The following OLA1 variants were observed in gnomAD, a reference collection of about 807,000 sequenced individuals.
OLA1 encodes obg-like ATPase 1.
OLA1 carries 14 observed loss-of-function variants against 48.4 expected under a neutral mutation model. That is an observed-to-expected ratio of 0.29 (90% CI 0.19 to 0.45). The LOEUF is 0.45. Among genes scored for constraint, OLA1 ranks in the 20% least tolerant of loss-of-function variants. The pLI is 1.00. For synonymous variants in OLA1, 127 were observed against 150.4 expected, an observed-to-expected ratio of 0.84 and a Z score of 1.14; for missense variants, 325 against 467.1, an observed-to-expected ratio of 0.70 and a Z score of 2.80.
chr2:174,212,847 C>T (rs1688275057), intron 4 of OLA1, among the ~76,000 whole-genome samples: 2 of 152,218 alleles, frequency 1.3e-5, no homozygotes, highest in East Asian at 3.9e-4. Flanking sequence ...ACCCATGGAG[C>T]TGTCATCTCC....
chr2:174,138,390 A>G (rs1205686060), intron 5 of OLA1, among the ~76,000 whole-genome samples: 2 of 152,200 alleles, frequency 1.3e-5, no homozygotes, highest in African/African-American at 4.8e-5. Context: ...CACACCCAAC[A>G]TTTATCGACT....
At chr2:174,242,477 C>G (rs1050853551) in intron 2 of OLA1, among the ~76,000 whole-genome samples, 1 of 152,118 alleles carries the variant, frequency 6.6e-6, no homozygotes, top group Admixed American at 6.6e-5. Flanking sequence ...CGGTACCAGT[C>G]CCCAGCATGA....
chr2:174,147,639 T>C (rs1686641102), intron 4 of OLA1, among the ~76,000 whole-genome samples: 1 of 152,186 alleles, frequency 6.6e-6, no homozygotes, highest in Non-Finnish European at 1.5e-5. Context: ...ATACACTACA[T>C]GATCACATTT....
At chr2:174,163,893 CTT>C (rs1687093417) in intron 4 of OLA1, among the ~76,000 whole-genome samples, 2 of 151,040 alleles carry the variant, frequency 1.3e-5, no homozygotes, top group Admixed American at 6.6e-5. Context: ...AGAAATGAAA[CTT>C]TTAAAACGTG....
In OLA1 at chr2:174,229,718, A is replaced by G. The variant is rs1688686452; in HGVS notation, c.102-267T>C. Among the ~76,000 whole-genome samples, 4 of 152,224 alleles carry G rather than the reference A, an allele frequency of 2.6e-5. No homozygotes were observed. The South Asian group carries it at 8.3e-4, about 31-fold the overall frequency. Reference sequence around the variant, plus strand: ...AGCATGTTCTCAAAGAATCTTTGTTATAAGTTAGAGTTTCATGTCATACTA... The same window carrying G: ...AGCATGTTCTCAAAGAATCTTTGTTGTAAGTTAGAGTTTCATGTCATACTA... On this transcript the variant is annotated intron_variant, in intron 2 of 10. Coordinates refer to ENST00000284719, the MANE Select transcript of OLA1 (RefSeq NM_013341.5).
chr2:174,143,320 T>C (rs916240469), intron 4 of OLA1, among the ~76,000 whole-genome samples: 1 of 152,186 alleles, frequency 6.6e-6, no homozygotes, highest in African/African-American at 2.4e-5. Flanking sequence ...CAATAGACAG[T>C]GGTTTAGGTA....
At chr2:174,126,113 TTACA>T (rs1686037725) in intron 5 of OLA1, among the ~76,000 whole-genome samples, 2 of 152,244 alleles carry the variant, frequency 1.3e-5, no homozygotes, top group African/African-American at 2.4e-5. Context: ...GCTCTTTTTC[TTACA>T]TAAAGTAAAA....
chr2:174,073,427 C>T lies in OLA1; in HGVS notation c.*1999G>A, dbSNP rs546155742. On this transcript the variant is annotated 3_prime_UTR_variant, in exon 11 of 11. Coordinates refer to ENST00000284719, the MANE Select transcript of OLA1 (RefSeq NM_013341.5). ...AGGAGGGAAAACGTTTAGATATAGGCATATATATGATTATATGTAACAGTT... is the reference window on the plus strand; with the variant it reads ...AGGAGGGAAAACGTTTAGATATAGGTATATATATGATTATATGTAACAGTT... The T allele has an allele frequency of 2.0e-5, 3 of 152,218 alleles. No homozygotes were observed. The South Asian group carries it at 6.2e-4, about 32-fold the overall frequency. 9.4% of individuals were successfully genotyped at this position (152,218 alleles called of 1,614,324 possible).
intron 4 of OLA1, among the ~76,000 whole-genome samples, chr2:174,150,290 CCAT>C (rs1457088354): frequency 2.0e-5 from 3 of 152,182 alleles, no homozygotes; most frequent in Admixed American, 6.5e-5. Context: ...AGCTCCACCA[CCAT>C]ATGATGGCCT....
intron 2 of OLA1, chr2:174,240,097 A>T (rs1364924078): frequency 6.6e-6 from 1 of 152,152 alleles, no homozygotes; most frequent in African/African-American, 2.4e-5. Flanking sequence ...TGCAACTGTG[A>T]GTTTTTTTAA....
chr2:174,085,405 G>A (rs1433331878), intron 7 of OLA1, among the ~76,000 whole-genome samples: 2 of 152,124 alleles, frequency 1.3e-5, no homozygotes, highest in East Asian at 3.9e-4. Context: ...ATTGTGAATT[G>A]CACGTGCAAG....
chr2:174,247,851 C>A, intron 1 of OLA1: 1 of 1,485,648 alleles, frequency 6.7e-7, no homozygotes, highest in Non-Finnish European at 9.1e-7. Flanking sequence ...GTTCTGTCTC[C>A]AAATCATGCG....
At chr2:174,219,171 G>A (rs1045692033) in intron 4 of OLA1, among the ~76,000 whole-genome samples, 2 of 151,430 alleles carry the variant, frequency 1.3e-5, no homozygotes, top group African/African-American at 2.4e-5. Context: ...GGCCGGACAC[G>A]GTGGCTCATG....
chr2:174,141,649 A>T (rs1018418871), intron 5 of OLA1, among the ~76,000 whole-genome samples, 176 bp downstream of exon 5: 2 of 152,106 alleles, frequency 1.3e-5, no homozygotes, highest in Non-Finnish European at 2.9e-5. Context: ...ATAGCCTATC[A>T]CCATGGCCCT....
At chr2:174,190,810 A>C (rs1471018727) in intron 4 of OLA1, among the ~76,000 whole-genome samples, 1 of 151,968 alleles carries the variant, frequency 6.6e-6, no homozygotes, top group Non-Finnish European at 1.5e-5. Flanking sequence ...TATGTTTCAC[A>C]AATCAATTCT....
At chr2:174,194,973 C>T (rs4972643) in intron 4 of OLA1, among the ~76,000 whole-genome samples, 80,498 of 151,572 alleles carry the variant, frequency 0.53, 21,915 homozygotes, top group East Asian at 0.94. Flanking sequence ...CTCTCTGCAA[C>T]TTTGAAACTA....
rs146117287 is a variant in OLA1, at chr2:174,157,087, A to G, written c.374-15087T>C. Among the ~76,000 whole-genome samples, 19 of 152,312 alleles carry G rather than the reference A, an allele frequency of 1.2e-4. 2 individuals carry two copies. In the East Asian group the frequency reaches 3.7e-3, roughly 29 times the overall value. ...TTTGGTCTAGTGGGCAAAAAGAATG[A>G]TAACAAACTGAGAAGAAATAAAATG... is the stretch of plus-strand genomic sequence containing the variant. On this transcript the variant is annotated intron_variant, in intron 4 of 10. Coordinates refer to ENST00000284719, the MANE Select transcript of OLA1 (RefSeq NM_013341.5).
chr2:174,097,661 G>T (rs1293225959), intron 7 of OLA1, among the ~76,000 whole-genome samples: 1 of 151,556 alleles, frequency 6.6e-6, no homozygotes, highest in Non-Finnish European at 1.5e-5. Flanking sequence ...GGTGGTGGAG[G>T]TTGCACAGAG....
chr2:174,232,370 A>AT (rs78270413), intron 2 of OLA1, among the ~76,000 whole-genome samples: 19,409 of 152,230 alleles, frequency 0.13, 1,443 homozygotes, highest in East Asian at 0.21. Context: ...AATGTTTTCA[A>AT]TTAGATATAA....
Sources: gnomAD v4.1 joint callset for allele counts (sites outside exome capture counted in the v4.1 genomes callset) on GRCh38, gnomAD v4.1.1 for gene constraint, MANE v1.5 for transcripts, NCBI Gene and HGNC (gene_info 2026-07-23, HGNC 2026-07-21) for gene names.